The following SV2C variants were observed in gnomAD, a reference collection of about 807,000 sequenced individuals.
SV2C encodes solute carrier family 22 member B3.
SV2C carries 49 observed loss-of-function variants against 79.7 expected under a neutral mutation model. The observed-to-expected ratio is 0.61, with a 90% CI of 0.49 to 0.78. SV2C has a LOEUF of 0.78. Among genes scored for constraint, SV2C ranks in the 30% least tolerant of loss-of-function variants. The pLI is 0.00. For missense variants in SV2C, 833 were observed against 912.9 expected (o/e 0.91, Z 1.13); for synonymous variants, 334 against 333.2 (o/e 1.00, Z -0.03).
At chr5:76,135,915 G>C (rs1402416814) in intron 2 of SV2C, among the ~76,000 whole-genome samples, 2 of 152,148 alleles carry the variant, frequency 1.3e-5, no homozygotes, top group Non-Finnish European at 2.9e-5. Flanking sequence ...AGTCCATTAG[G>C]GCAGAACAAG....
At chr5:75,877,942 A>G in the SV2C span, among the ~76,000 whole-genome samples, 1 of 142,928 alleles carries the variant, frequency 7.0e-6, no homozygotes. Context: ...GAGTGATAGA[A>G]AAAAAAAAAA....
the SV2C span, among the ~76,000 whole-genome samples, chr5:75,952,273 T>A: frequency 1.3e-5 from 2 of 148,832 alleles, no homozygotes; most frequent in African/African-American, 4.9e-5. Flanking sequence ...CTTCCTTCCT[T>A]CCTTCCTTCC....
At chr5:75,874,837 A>G in the SV2C span, among the ~76,000 whole-genome samples, 1 of 152,198 alleles carries the variant, frequency 6.6e-6, no homozygotes, top group East Asian at 1.9e-4. Flanking sequence ...ACACCTAGGA[A>G]TACAGCTAAC....
At chr5:75,883,972 A>G in the SV2C span, among the ~76,000 whole-genome samples, 2 of 152,136 alleles carry the variant, frequency 1.3e-5, no homozygotes, top group Non-Finnish European at 2.9e-5. Context: ...TCACAATGGT[A>G]TTATTTATTA....
chr5:76,046,406 A>G, the SV2C span, among the ~76,000 whole-genome samples: 1 of 152,230 alleles, frequency 6.6e-6, no homozygotes, highest in Non-Finnish European at 1.5e-5. Flanking sequence ...AAGAGGTGAC[A>G]TCCAATTGAG....
chr5:76,215,338 T>G (rs1192054864), intron 4 of SV2C, among the ~76,000 whole-genome samples: 1 of 152,136 alleles, frequency 6.6e-6, no homozygotes, highest in African/African-American at 2.4e-5. Flanking sequence ...TGAATGAGAA[T>G]AAGGAGAACA....
At chr5:76,271,510 G>A (rs146313255) in intron 4 of SV2C, among the ~76,000 whole-genome samples, 2,518 of 151,984 alleles carry the variant, frequency 0.017, 28 homozygotes, top group Non-Finnish European at 0.027. Context: ...TACCTGTAGG[G>A]TACACAATCT....
chr5:75,978,517 G>A, the SV2C span, among the ~76,000 whole-genome samples: 1 of 152,140 alleles, frequency 6.6e-6, no homozygotes, highest in African/African-American at 2.4e-5. Context: ...ATTGGGCTGT[G>A]TCTTACAATT....
chr5:75,935,811 G>A, the SV2C span, among the ~76,000 whole-genome samples: 12,313 of 152,194 alleles, frequency 0.081, 646 homozygotes, highest in East Asian at 0.14. Flanking sequence ...TCTGTGGTGA[G>A]GAAGTAAAAG....
At chr5:76,319,553 G>A (rs1454688315) in intron 12 of SV2C, among the ~76,000 whole-genome samples, 4 of 152,194 alleles carry the variant, frequency 2.6e-5, no homozygotes, top group Non-Finnish European at 4.4e-5. Context: ...TGTGTGCTTT[G>A]CATCCACACC....
chr5:76,054,887 G>A, the SV2C span, among the ~76,000 whole-genome samples: 2 of 151,964 alleles, frequency 1.3e-5, no homozygotes, highest in Admixed American at 1.3e-4. Context: ...CCTTGTAGAT[G>A]CTGGATATTA....
chr5:75,905,242 T>G, the SV2C span, among the ~76,000 whole-genome samples: 1 of 152,192 alleles, frequency 6.6e-6, no homozygotes, highest in Non-Finnish European at 1.5e-5. Context: ...TTCATTTGCT[T>G]CCATCCAGGA....
intron 2 of SV2C, among the ~76,000 whole-genome samples, chr5:76,183,128 C>T (rs1418276397): frequency 1.3e-5 from 2 of 150,264 alleles, no homozygotes; most frequent in Non-Finnish European, 3.0e-5. Context: ...CCTCCACCTC[C>T]CAGGTTCAAG....
At chr5:75,943,293 A>C in the SV2C span, among the ~76,000 whole-genome samples, 1 of 152,208 alleles carries the variant, frequency 6.6e-6, no homozygotes, top group African/African-American at 2.4e-5. Flanking sequence ...AAATGGGTAC[A>C]AGTACTGATG....
chr5:76,056,334 A>T, the SV2C span, among the ~76,000 whole-genome samples: 1 of 152,104 alleles, frequency 6.6e-6, no homozygotes, highest in African/African-American at 2.4e-5. Context: ...GCATCTCAGG[A>T]ATGAAGTCGA....
chr5:75,957,834 G>A, the SV2C span, among the ~76,000 whole-genome samples: 5 of 151,906 alleles, frequency 3.3e-5, no homozygotes. Flanking sequence ...TTAAGTAAAA[G>A]GCAAATCACT....
At chr5:76,270,161 T>C (rs556634283) in intron 4 of SV2C, among the ~76,000 whole-genome samples, 1 of 152,338 alleles carries the variant, frequency 6.6e-6, no homozygotes, top group South Asian at 2.1e-4. Context: ...TTTAATTAAT[T>C]TGGGCTTCTT....
chr5:76,339,732 A>G (rs1293985409), intron 12 of SV2C, among the ~76,000 whole-genome samples: 1 of 152,046 alleles, frequency 6.6e-6, no homozygotes, highest in Non-Finnish European at 1.5e-5. Context: ...AAAAAAAGAA[A>G]AAAAAGATTT....
At chr5:76,231,137 A>T (rs28508282) in intron 4 of SV2C, among the ~76,000 whole-genome samples, 1 of 151,940 alleles carries the variant, frequency 6.6e-6, no homozygotes, top group Admixed American at 6.5e-5. Context: ...CCCCCTCGTC[A>T]GTTCAGTTGT....
Sources: allele counts gnomAD v4.1 joint callset (sites outside exome capture counted in the v4.1 genomes callset), GRCh38; gene constraint gnomAD v4.1.1; transcripts MANE v1.5; gene names NCBI Gene and HGNC (gene_info 2026-07-23, HGNC 2026-07-21).